ODAD2: variants seen among roughly 807,000 people sequenced by gnomAD.
ODAD2 encodes outer dynein arm-docking complex subunit 2.
Under a neutral mutation model 106.8 loss-of-function variants are expected in ODAD2, and 89 were observed. The ratio of observed to expected loss-of-function variants is 0.83; its 90% CI spans 0.70 to 0.99. ODAD2 has a LOEUF of 0.99. ODAD2 is among the 50% of genes least tolerant of loss of function. The pLI, the probability that ODAD2 is intolerant of heterozygous loss-of-function variation, is 0.00. For synonymous variants in ODAD2, 404 were observed against 436.2 expected, an observed-to-expected ratio of 0.93 and a Z score of 0.92; for missense variants, 1,168 against 1,238.5, an observed-to-expected ratio of 0.94 and a Z score of 0.85.
intron 2 of ODAD2, 126 bp from the exon 3 acceptor site, chr10:27,987,669 T>C (rs1270775082): frequency 5.1e-6 from 3 of 591,874 alleles, no homozygotes; most frequent in Non-Finnish European, 8.2e-6. Context: ...TAAATACATC[T>C]GGTTAGTAGC....
intron 12 of ODAD2, 26 bp downstream of exon 12, chr10:27,944,196 A>T (rs750331607): frequency 6.3e-7 from 1 of 1,590,082 alleles, no homozygotes; most frequent in Non-Finnish European, 8.6e-7. Context: ...GCACTAGATG[A>T]CGATGACAAC....
At chr10:27,997,743 G>A (rs1198525120) in intron 1 of ODAD2, among the ~76,000 whole-genome samples, 2 of 152,112 alleles carry the variant, frequency 1.3e-5, no homozygotes, top group Non-Finnish European at 2.9e-5. Context: ...AATAAATGGT[G>A]TTCAAAAATG....
chr10:27,839,626 T>C (rs1838164966), intron 19 of ODAD2, among the ~76,000 whole-genome samples: 1 of 152,206 alleles, frequency 6.6e-6, no homozygotes, highest in African/African-American at 2.4e-5. Context: ...TTTAAAGCAG[T>C]GGAAGAGTAT....
intron 10 of ODAD2, among the ~76,000 whole-genome samples, chr10:27,952,659 A>G (rs1194004446): frequency 6.6e-6 from 1 of 152,144 alleles, no homozygotes; most frequent in Non-Finnish European, 1.5e-5. Flanking sequence ...AAGTCTATCA[A>G]TGCCTAGACT....
intron 19 of ODAD2, among the ~76,000 whole-genome samples, chr10:27,823,002 T>G (rs1188242706): frequency 6.6e-6 from 1 of 152,140 alleles, no homozygotes; most frequent in Non-Finnish European, 1.5e-5. Flanking sequence ...AAATGGGATA[T>G]ATAATAGAGA....
intron 7 of ODAD2, among the ~76,000 whole-genome samples, chr10:27,977,131 C>A (rs1055995569): frequency 3.3e-5 from 5 of 152,000 alleles, no homozygotes; most frequent in African/African-American, 9.7e-5. Flanking sequence ...ATTGAAAAAT[C>A]TCTAGAAGAA....
intron 19 of ODAD2, among the ~76,000 whole-genome samples, chr10:27,841,303 A>G (rs930862990): frequency 3.9e-5 from 6 of 152,170 alleles, no homozygotes; most frequent in Non-Finnish European, 7.3e-5. Flanking sequence ...TCTCTCATCC[A>G]ATCTGTAACT....
intron 10 of ODAD2, chr10:27,958,828 G>A (rs1354862035): frequency 7.7e-7 from 1 of 1,298,552 alleles, no homozygotes; most frequent in African/African-American, 1.5e-5. Flanking sequence ...AGAGGGGTTA[G>A]TCAACTCACC....
intron 17 of ODAD2, among the ~76,000 whole-genome samples, chr10:27,865,573 T>C (rs1288822512): frequency 1.3e-5 from 2 of 152,212 alleles, no homozygotes; most frequent in African/African-American, 4.8e-5. Context: ...CTGCACATAG[T>C]TGTGGTTTCT....
rs759395361 is a variant in ODAD2, at chr10:27,985,072, C to G, written c.522G>C (p.Leu174=). ...GGAGGTGCAGATCCAATTGCTTAAG[C>G]AGCATAGCAATCTTCATCTTAATTT... ...ESEIKMKIAM[L]LKQLDLHLLN... Residue 174 remains leucine (L), a synonymous_variant, in exon 4 of 20, where the codon CTG becomes CTC. Transcript: ENST00000305242. 1 of 1,608,820 alleles carries G rather than the reference C, an allele frequency of 6.2e-7. No homozygotes were observed. Among genetic ancestry groups the G allele is most frequent in the Non-Finnish European group, 8.5e-7 (1 of 1,178,154 alleles).
At chr10:27,837,668 G>C (rs1004752761) in intron 19 of ODAD2, among the ~76,000 whole-genome samples, 1 of 151,980 alleles carries the variant, frequency 6.6e-6, no homozygotes, top group Non-Finnish European at 1.5e-5. Flanking sequence ...TTTAAACGTG[G>C]GTCATAAAGA....
chr10:27,877,520 TTTC>T (rs1841423659), intron 17 of ODAD2, among the ~76,000 whole-genome samples: 1 of 152,188 alleles, frequency 6.6e-6, no homozygotes, highest in African/African-American at 2.4e-5. Context: ...GTGAGATTTC[TTTC>T]TTTTCTTTTT....
chr10:27,923,978 GAA>G (rs1365471606), intron 16 of ODAD2, among the ~76,000 whole-genome samples: 1 of 124,974 alleles, frequency 8.0e-6, no homozygotes, highest in Non-Finnish European at 1.7e-5. Context: ...AAGAAAGAAA[GAA>G]AGAAAGAAAG....
intron 19 of ODAD2, among the ~76,000 whole-genome samples, chr10:27,847,980 A>G (rs1321308619): frequency 3.9e-5 from 6 of 152,238 alleles, no homozygotes; most frequent in African/African-American, 1.2e-4. Context: ...CAATATCGTG[A>G]AAATGGCCAT....
intron 19 of ODAD2, among the ~76,000 whole-genome samples, chr10:27,821,215 G>A (rs1294810833): frequency 6.6e-6 from 1 of 152,024 alleles, no homozygotes; most frequent in Non-Finnish European, 1.5e-5. Context: ...GTGTGCTCCG[G>A]GTATGAATAT....
chr10:27,827,521 G>C (rs1318766677), intron 19 of ODAD2, among the ~76,000 whole-genome samples: 1 of 151,616 alleles, frequency 6.6e-6, no homozygotes, highest in Non-Finnish European at 1.5e-5. Context: ...AAATCCTGCT[G>C]TCCAAGTCAG....
chr10:27,973,212 A>AATACATACATACATACATACATAC (rs56390356), intron 7 of ODAD2, among the ~76,000 whole-genome samples: 2 of 148,236 alleles, frequency 1.3e-5, no homozygotes, highest in South Asian at 2.2e-4. Context: ...TGGTCAAAAT[A>AATACATACATACATACATACATAC]ATACATACAT....
In ODAD2 at chr10:27,940,766, C is replaced by G. The variant is rs761097127; in HGVS notation, c.1783G>C (p.Ala595Pro). The G allele has an allele frequency of 5.0e-6, 8 of 1,614,072 alleles. No homozygotes were observed. The highest frequency in any genetic ancestry group is 6.8e-6 in the Non-Finnish European group (8 of 1,179,984). ...LDCAHDSTKPAQSSLYEARDV... is the reference protein window; with the variant it reads ...LDCAHDSTKPPQSSLYEARDV... ...CTGGCCTCATACAGACTCGATTGGG[C>G]AGGTTTTGTGGAATCATGTGCACAG... is the stretch of plus-strand genomic sequence containing the variant. The change falls in exon 13 of 20, where the codon GCC becomes CCC. Residue 595 changes from alanine to proline, a missense_variant. Physicochemically the swap from Ala to Pro is conservative, Grantham distance 27. Coordinates refer to ENST00000305242, the MANE Select transcript of ODAD2 (RefSeq NM_018076.5).
intron 17 of ODAD2, among the ~76,000 whole-genome samples, chr10:27,897,373 A>G (rs767512330): frequency 6.6e-6 from 1 of 152,080 alleles, no homozygotes; most frequent in Non-Finnish European, 1.5e-5. Context: ...CAACTCCATC[A>G]TCTTTTCCTC....
Sources: allele counts gnomAD v4.1 joint callset (sites outside exome capture counted in the v4.1 genomes callset), GRCh38; gene constraint gnomAD v4.1.1; transcripts MANE v1.5; gene names NCBI Gene and HGNC (gene_info 2026-07-23, HGNC 2026-07-21).